LTBR: variants seen among roughly 807,000 people sequenced by gnomAD.
LTBR encodes the protein tumor necrosis factor receptor superfamily member 3.
A neutral mutation model predicts 45.4 loss-of-function variants in LTBR; 15 were observed. That is an observed-to-expected ratio of 0.33 (90% CI 0.22 to 0.51). The LOEUF is 0.51. LTBR is among the 20% of genes least tolerant of loss of function. The pLI, the probability that LTBR is intolerant of heterozygous loss-of-function variation, is 0.97. For missense variants in LTBR, 450 were observed against 565.5 expected (o/e 0.80, Z 2.07); for synonymous variants, 228 against 231.0 (o/e 0.99, Z 0.12).
At chr12:6,387,686 G>C (rs536582795) in intron 6 of LTBR, 1 of 283,844 alleles carries the variant, frequency 3.5e-6, no homozygotes, top group African/African-American at 2.3e-5. Context: ...GACACTGGAG[G>C]CTCCATGCTA....
At position 6,386,542 on chromosome 12, in the gene LTBR, TC is replaced by T; in HGVS notation, c.667+101del. ...AATGGGGAAAAGATGAACACTTCCCTCCCAGAATTGGGCAAGAAGAAAGTTC... is the reference window on the plus strand; with the variant it reads ...AATGGGGAAAAGATGAACACTTCCCTCCAGAATTGGGCAAGAAGAAAGTTC... On this transcript the variant is annotated intron_variant, in intron 6 of 9. Transcript: ENST00000228918. The surrounding 1 kb of genome is among the most constrained non-coding windows in gnomAD (Gnocchi z 4.1). 1.1e-6 allele frequency: 1 copy of T among 944,128 alleles called. No homozygotes were observed. Among genetic ancestry groups the T allele is most frequent in the Non-Finnish European group, 1.6e-6 (1 of 611,118 alleles). The allele number at this position is 944,128 out of a possible 1,614,324, so 58.5% of individuals were successfully genotyped here.
At chr12:6,377,180 G>C in intron 1 of LTBR, 3 of 1,318,268 alleles carry the variant, frequency 2.3e-6, no homozygotes, top group East Asian at 5.1e-5. Context: ...CCTCTCTTGC[G>C]GCAGTCTCTT....
Position 6,386,313 on chromosome 12 carries a change from C to A in LTBR, c.570-34C>A, listed in dbSNP as rs768437511. ...GAGTCGGGACACTGGTGGGCCAGGG[C>A]GTGAAAAGGTCATCATCTTTTTTTC... On this transcript the variant is annotated intron_variant, in intron 5 of 9. Coordinates refer to ENST00000228918, the MANE Select transcript of LTBR (RefSeq NM_002342.3). This position sits in a 1 kb window ranked among gnomAD's most constrained non-coding sequence, Gnocchi z 4.1. 2 of 1,579,486 alleles carry A rather than the reference C, an allele frequency of 1.3e-6. No individual in the cohort carries two copies. Among genetic ancestry groups the A allele is most frequent in the Admixed American group, 3.4e-5 (2 of 59,632 alleles).
rs779034399 is a variant in LTBR at position 6,390,774 on chromosome 12, C to G, written c.1145C>G (p.Pro382Arg). Residue 382 changes from proline to arginine, a missense_variant, in exon 10 of 10, where the codon CCC becomes CGC. Coordinates refer to ENST00000228918, the MANE Select transcript of LTBR (RefSeq NM_002342.3). Reference protein sequence around the residue: ...PPGPGDLPATPEPPYPIPEEG... With the variant: ...PPGPGDLPATREPPYPIPEEG... ...GGTCCTGGAGACCTCCCAGCTACCCCCGAACCTCCATACCCCATTCCCGAA... is the reference window on the plus strand; with the variant it reads ...GGTCCTGGAGACCTCCCAGCTACCCGCGAACCTCCATACCCCATTCCCGAA... 6.3e-7 allele frequency: 1 copy of G among 1,592,776 alleles called. No individual in the cohort carries two copies. Among genetic ancestry groups the G allele is most frequent in the East Asian group, 2.2e-5 (1 of 44,628 alleles).
chr12:6,388,725 G>A lies in LTBR; in HGVS notation c.776-75G>A, dbSNP rs1949076954. The A allele has an allele frequency of 6.3e-7, 1 of 1,581,110 alleles. No individual in the cohort carries two copies. The highest frequency in any genetic ancestry group is 1.7e-5 in the Admixed American group (1 of 59,846). ...GGGTGGTCAAGTTGCTACACATTGT[G>A]CTGGGATGTGGAGGCTGAAAGGCTA... On this transcript the variant is annotated intron_variant, in intron 7 of 9. Transcript: ENST00000228918. This position sits in a 1 kb window ranked among gnomAD's most constrained non-coding sequence, Gnocchi z 4.3.
intron 2 of LTBR, 64 bp downstream of exon 2, chr12:6,384,748 C>A: frequency 6.8e-6 from 10 of 1,472,844 alleles, no homozygotes; most frequent in Non-Finnish European, 9.5e-6. Context: ...CCAGCCCCCT[C>A]GCGGCCTCAG....
upstream of LTBR, among the ~76,000 whole-genome samples, chr12:6,380,780 C>T (rs1451262034): frequency 6.6e-6 from 1 of 152,122 alleles, no homozygotes; most frequent in Non-Finnish European, 1.5e-5. Context: ...GGAAAGAAGG[C>T]TCTCTCAGCA....
rs1288671548 is a variant in LTBR, at chr12:6,384,407, C to T, written c.49C>T (p.Leu17=). ...TSAPGLAWGP[L]VLGLFGLLAA... ...TGCCCCCGGCCTGGCCTGGGGGCCT[C>T]TGGTGCTGGGCCTCTTCGGGCTCCT... Residue 17 remains leucine (L), a synonymous_variant, in exon 1 of 10, where the codon CTG becomes TTG. Transcript: ENST00000228918. 6 of 1,542,952 alleles carry T rather than the reference C, an allele frequency of 3.9e-6. No homozygotes were observed. In the East Asian group the frequency reaches 1.2e-4, roughly 31 times the overall value.
chr12:6,391,120 A>C lies in LTBR; in HGVS notation c.*183A>C. ...GGCTGGGTACGGTGCCCTCCACAGG[A>C]CTCTCCCTACTGCCTGAGCAAACCT... is the stretch of plus-strand genomic sequence containing the variant. On this transcript the variant is annotated 3_prime_UTR_variant, in exon 10 of 10. Transcript: ENST00000228918. 1 of 544,304 alleles carries C rather than the reference A, an allele frequency of 1.8e-6. No homozygotes were observed. The highest frequency in any genetic ancestry group is 2.9e-6 in the Non-Finnish European group (1 of 340,134). The allele number at this position is 544,304 out of a possible 1,614,324, so 33.7% of individuals were successfully genotyped here.
At chr12:6,375,447 G>T (rs940972014) in exon 1 of LTBR, 1 of 1,535,196 alleles carries the variant, frequency 6.5e-7, no homozygotes, top group Non-Finnish European at 8.7e-7. Flanking sequence ...GTTGCGGCTG[G>T]ACTGGGACTG....
rs3075360 is a variant in LTBR, at chr12:6,386,604, T to TACACACAC, written c.667+185_667+192dup. The TACACACAC allele has an allele frequency of 3.6e-3, 1,976 of 546,580 alleles. 22 individuals are homozygous for TACACACAC. Among genetic ancestry groups the TACACACAC allele is most frequent in the African/African-American group, 0.033 (1,688 of 50,926 alleles). The allele number at this position is 546,580 out of a possible 1,614,324, so 33.9% of individuals were successfully genotyped here. ...AAATTGGAGTATCTCTAGGCTAGTT[T>TACACACAC]ACACACACACACACACACACACACA... On this transcript the variant is annotated intron_variant, in intron 6 of 9. Transcript: ENST00000228918. The surrounding 1 kb of genome is among the most constrained non-coding windows in gnomAD (Gnocchi z 4.1).
At chr12:6,385,473 C>T (rs548804027) in intron 4 of LTBR, 94 bp downstream of exon 4, 2 of 1,413,362 alleles carry the variant, frequency 1.4e-6, no homozygotes, top group Admixed American at 2.2e-5. Flanking sequence ...TCCACGGCGA[C>T]CCCCCAGATC....
Position 6,384,315 on chromosome 12 carries a change from C to G in LTBR, c.-44C>G. Reference sequence around the variant, plus strand: ...CCAGGACGTCGGGCCTCCTGCCTTCCTCCCAGGCCCCCACGTTGCTGGCCG... The same window carrying G: ...CCAGGACGTCGGGCCTCCTGCCTTCGTCCCAGGCCCCCACGTTGCTGGCCG... On this transcript the variant is annotated 5_prime_UTR_variant, in exon 1 of 10. Transcript: ENST00000228918. 6.9e-7 allele frequency: 1 copy of G among 1,441,316 alleles called. No individual in the cohort carries two copies. The highest frequency in any genetic ancestry group is 2.8e-5 in the Admixed American group (1 of 35,406). 89.3% of individuals were successfully genotyped at this position (1,441,316 alleles called of 1,614,324 possible).
rs1271047150 is a variant in LTBR, at chr12:6,388,350, C to T, written c.668-48C>T. 2 of 1,403,504 alleles carry T rather than the reference C, an allele frequency of 1.4e-6. No homozygotes were observed. Among genetic ancestry groups the T allele is most frequent in the Admixed American group, 3.3e-5 (2 of 59,750 alleles). The allele number at this position is 1,403,504 out of a possible 1,614,324, so 86.9% of individuals were successfully genotyped here. A position where few individuals can be genotyped will look rare whatever the true frequency, so the allele number is the denominator to read the frequency against. On this transcript the variant is annotated intron_variant, in intron 6 of 9. Transcript: ENST00000228918. The surrounding 1 kb of genome is among the most constrained non-coding windows in gnomAD (Gnocchi z 4.3). ...AAGCTCTTCCTTCTCCTCCTCCCCT[C>T]TGCCCTTCTTGGGGCTGTGATCACC...
At position 6,386,703 on chromosome 12, in the gene LTBR, C is replaced by A. The variant is rs993883667; in HGVS notation, c.667+259C>A. The A allele has an allele frequency of 2.4e-5, 10 of 420,716 alleles. No individual in the cohort carries two copies. The highest frequency in any genetic ancestry group is 8.1e-5 in the Admixed American group (2 of 24,770). The allele number at this position is 420,716 out of a possible 1,614,324, so 26.1% of individuals were successfully genotyped here. A position where few individuals can be genotyped will look rare whatever the true frequency, so the allele number is the denominator to read the frequency against. On this transcript the variant is annotated intron_variant, in intron 6 of 9. Coordinates refer to ENST00000228918, the MANE Select transcript of LTBR (RefSeq NM_002342.3). The surrounding 1 kb of genome is among the most constrained non-coding windows in gnomAD (Gnocchi z 4.1). ...ATCCCACACTGAGATGTAATGATAA[C>A]TACTATTGTCATCATTTTGGGCTTA...
At chr12:6,382,266 A>C (rs1948991896), upstream of LTBR, among the ~76,000 whole-genome samples, 2 of 152,190 alleles carry the variant, frequency 1.3e-5, no homozygotes, top group Admixed American at 1.3e-4. Context: ...CAAAATAATA[A>C]TGAGGGATTT....
chr12:6,377,263 TC>T (rs1167954320), intron 1 of LTBR: 1 of 1,551,028 alleles, frequency 6.4e-7, no homozygotes, highest in Admixed American at 2.0e-5. Context: ...TTGATACTGC[TC>T]ATGATACCTC....
chr12:6,375,802 C>T, intron 1 of LTBR: 1 of 1,376,050 alleles, frequency 7.3e-7, no homozygotes, highest in Admixed American at 3.4e-5. Context: ...GGATCCTGAG[C>T]CCACAGCTAG....
At chr12:6,381,959 G>A (rs7954567), upstream of LTBR, among the ~76,000 whole-genome samples, 37,783 of 152,048 alleles carry the variant, frequency 0.25, 5,607 homozygotes, top group Non-Finnish European at 0.34. Flanking sequence ...GCGACAAAGC[G>A]AGACTCTGTA....
Sources: allele counts gnomAD v4.1 joint callset (sites outside exome capture counted in the v4.1 genomes callset), GRCh38; gene constraint gnomAD v4.1.1; non-coding constraint Gnocchi (gnomAD v3.1); transcripts MANE v1.5; gene names NCBI Gene and HGNC (gene_info 2026-07-23, HGNC 2026-07-21).